Variants in EEF1AKMT2 observed in about 807,000 individuals in gnomAD.
EEF1AKMT2 encodes the protein EEF1A lysine methyltransferase 2, also known as eukaryotic translation elongation factor 1 alpha lysine methyltransferase 2.
EEF1AKMT2 carries 32 observed loss-of-function variants against 35.8 expected under a neutral mutation model. The observed-to-expected ratio is 0.89, with a 90% CI of 0.67 to 1.20. The LOEUF (loss-of-function observed/expected upper bound fraction) is 1.20. Ranked by LOEUF, EEF1AKMT2 falls within the 50% of genes most tolerant of loss-of-function variation. The pLI is 0.00. For missense variants in EEF1AKMT2, 330 were observed against 347.5 expected, an observed-to-expected ratio of 0.95 and a Z score of 0.40; for synonymous variants, 121 against 133.7, an observed-to-expected ratio of 0.91 and a Z score of 0.65.
At chr10:124,773,237 A>T (rs1564904210) in intron 4 of EEF1AKMT2, among the ~76,000 whole-genome samples, 1 of 151,746 alleles carries the variant, frequency 6.6e-6, no homozygotes, top group African/African-American at 2.4e-5. Flanking sequence ...TCTCCCCGTC[A>T]CCCAGGCTGG....
chr10:124,785,804 G>A (rs1345655868), intron 3 of EEF1AKMT2, among the ~76,000 whole-genome samples: 5 of 149,484 alleles, frequency 3.3e-5, no homozygotes, highest in Admixed American at 2.1e-4. Context: ...GCTGAGGCAG[G>A]AGAATCACTT....
chr10:124,778,626 A>G (rs1589788533), intron 3 of EEF1AKMT2, among the ~76,000 whole-genome samples: 1 of 151,602 alleles, frequency 6.6e-6, no homozygotes, highest in African/African-American at 2.4e-5. Context: ...CGGGAGACTG[A>G]GGCAAGAGAA....
chr10:124,772,923 AG>A lies in EEF1AKMT2; in HGVS notation c.399+1751del, dbSNP rs553122976. On this transcript the variant is annotated intron_variant, in intron 4 of 6. Coordinates refer to ENST00000368836, the MANE Select transcript of EEF1AKMT2 (RefSeq NM_212554.4). ...GGAGCACTAAAACTTTCTCCGTAAC[AG>A]CAATAAGGCTGTTTGACTTTCTCAT... 7.2e-3 allele frequency among the ~76,000 whole-genome samples: 1,104 copies of A among 152,356 alleles called. 16 individuals carry two copies. The highest frequency in any genetic ancestry group is 0.026 in the African/African-American group (1,076 of 41,596).
Position 124,758,446 on chromosome 10 carries a change from AG to A in EEF1AKMT2, c.*2056del, listed in dbSNP as rs1950304015. The A allele has an allele frequency of 6.6e-6, 1 of 151,954 alleles. No homozygotes were observed. Among genetic ancestry groups the A allele is most frequent in the African/African-American group, 2.4e-5 (1 of 41,460 alleles). 9.4% of individuals were successfully genotyped at this position (151,954 alleles called of 1,614,324 possible). ...TAAGAAGCTAGCTTCCAGCAGGATTAGAGTAATAAGAAGAGATGACAACTTC... is the reference window on the plus strand; with the variant it reads ...TAAGAAGCTAGCTTCCAGCAGGATTAAGTAATAAGAAGAGATGACAACTTC... On this transcript the variant is annotated 3_prime_UTR_variant, in exon 7 of 7. Transcript: ENST00000368836.
chr10:124,766,360 T>C (rs1950378154), intron 4 of EEF1AKMT2: 1 of 152,148 alleles, frequency 6.6e-6, no homozygotes. Context: ...ATGGATATAA[T>C]GAATGGCATA....
intron 4 of EEF1AKMT2, among the ~76,000 whole-genome samples, chr10:124,770,721 C>T (rs543426106): frequency 3.9e-5 from 6 of 152,208 alleles, no homozygotes; most frequent in Non-Finnish European, 7.3e-5. Flanking sequence ...TGCTCTCAAA[C>T]CTTGCTACTG....
rs568243587 is a variant in EEF1AKMT2, at chr10:124,762,221, T to C, written c.875+79A>G. On this transcript the variant is annotated intron_variant, in intron 6 of 6. Transcript: ENST00000368836. ...TTGTAAAGATCCAAATAAGGTAATG[T>C]AGTGTTTTCCTAAACTATGAAATAA... 35 of 971,710 alleles carry C rather than the reference T, an allele frequency of 3.6e-5. No homozygotes were observed. The East Asian group carries it at 2.4e-3, about 65-fold the overall frequency. 60.2% of individuals were successfully genotyped at this position (971,710 alleles called of 1,614,324 possible).
chr10:124,770,046 G>A (rs1049510222), intron 4 of EEF1AKMT2, among the ~76,000 whole-genome samples: 3 of 151,990 alleles, frequency 2.0e-5, no homozygotes, highest in Non-Finnish European at 4.4e-5. Flanking sequence ...ACTTTGGGAG[G>A]CCAAGGTGGA....
chr10:124,788,710 T>TATA (rs1950608376), intron 3 of EEF1AKMT2, among the ~76,000 whole-genome samples: 1 of 92,506 alleles, frequency 1.1e-5, no homozygotes, highest in Non-Finnish European at 2.4e-5. Context: ...AAGGTCATCT[T>TATA]TATATATATA....
intron 4 of EEF1AKMT2, among the ~76,000 whole-genome samples, chr10:124,767,301 C>T (rs1950387401): frequency 6.6e-6 from 1 of 150,710 alleles, no homozygotes; most frequent in Non-Finnish European, 1.5e-5. Flanking sequence ...ATCATGAGGT[C>T]AGGAGATCAA....
intron 3 of EEF1AKMT2, among the ~76,000 whole-genome samples, chr10:124,781,385 C>T (rs1405730557): frequency 6.6e-6 from 1 of 151,582 alleles, no homozygotes; most frequent in Non-Finnish European, 1.5e-5. Context: ...TCGAGACCAG[C>T]CCGGCCAACA....
chr10:124,791,842 A>T lies in EEF1AKMT2; in HGVS notation c.-9T>A, dbSNP rs1354050577. 4 of 1,560,496 alleles carry T rather than the reference A, an allele frequency of 2.6e-6. No homozygotes were observed. The highest frequency in any genetic ancestry group is 2.7e-5 in the African/African-American group (2 of 73,522). Reference sequence around the variant, plus strand: ...TCAGCGCCCGAGCTCATTTCGCTCCACGTCCTGGACGGCCGTTGGGGCCGC... The same window carrying T: ...TCAGCGCCCGAGCTCATTTCGCTCCTCGTCCTGGACGGCCGTTGGGGCCGC... On this transcript the variant is annotated 5_prime_UTR_variant, in exon 1 of 7. Coordinates refer to ENST00000368836, the MANE Select transcript of EEF1AKMT2 (RefSeq NM_212554.4).
chr10:124,783,173 C>T lies in EEF1AKMT2; in HGVS notation c.291+5870G>A, dbSNP rs1478956757. On this transcript the variant is annotated intron_variant, in intron 3 of 6. Transcript: ENST00000368836. ...TTTTTTTTTTTGAGACAGAGTCTTA[C>T]TCTGTCTCCCAGGCTGGAGTGCAGT... Among the ~76,000 whole-genome samples the T allele has an allele frequency of 3.5e-5, 4 of 112,780 alleles. No homozygotes were observed. The East Asian group carries it at 9.1e-4, about 26-fold the overall frequency. The allele number at this position is 112,780 out of a possible 152,430, so 74.0% of individuals were successfully genotyped here.
intron 5 of EEF1AKMT2, among the ~76,000 whole-genome samples, chr10:124,763,713 A>G (rs1950352051): frequency 6.6e-6 from 1 of 152,202 alleles, no homozygotes; most frequent in Admixed American, 6.5e-5. Context: ...TATCAAAGAC[A>G]GACAAATATG....
At chr10:124,783,390 G>A (rs1407448245) in intron 3 of EEF1AKMT2, among the ~76,000 whole-genome samples, 4 of 152,072 alleles carry the variant, frequency 2.6e-5, no homozygotes, top group Admixed American at 6.6e-5. Context: ...GTGATCCACC[G>A]GCCTTGGCCT....
chr10:124,789,283 C>G (rs1950614258), intron 2 of EEF1AKMT2, 126 bp from the exon 3 acceptor site: 1 of 596,106 alleles, frequency 1.7e-6, no homozygotes. Flanking sequence ...GTGACTGCTT[C>G]AGCTTTGTCT....
At chr10:124,760,597 T>C in intron 6 of EEF1AKMT2, 94 bp from the exon 7 acceptor site, 1 of 925,194 alleles carries the variant, frequency 1.1e-6, no homozygotes, top group Non-Finnish European at 1.7e-6. Context: ...ATTGAACCCT[T>C]TGTAAAACTA....
chr10:124,771,187 C>T (rs1040416889), intron 4 of EEF1AKMT2, among the ~76,000 whole-genome samples: 2 of 151,974 alleles, frequency 1.3e-5, no homozygotes, highest in South Asian at 4.1e-4. Context: ...GCAAGCTCCG[C>T]CTCCCAGGTT....
chr10:124,763,060 T>A (rs2134119935), intron 5 of EEF1AKMT2, among the ~76,000 whole-genome samples: 1 of 152,342 alleles, frequency 6.6e-6, no homozygotes, highest in East Asian at 1.9e-4. Flanking sequence ...GTGTTGACGT[T>A]ATTGATATTT....
Sources: allele counts gnomAD v4.1 joint callset (sites outside exome capture counted in the v4.1 genomes callset), GRCh38; gene constraint gnomAD v4.1.1; transcripts MANE v1.5; gene names NCBI Gene and HGNC (gene_info 2026-07-23, HGNC 2026-07-21).